MPND: variants seen among roughly 807,000 people sequenced by gnomAD.
MPND encodes the protein MPN domain containing, also known as MPN domain-containing protein.
MPND carries 56 observed loss-of-function variants against 59.2 expected under a neutral mutation model. The ratio of observed to expected loss-of-function variants is 0.95; its 90% CI spans 0.76 to 1.18. The LOEUF is 1.18. MPND is among the 50% of genes most tolerant of loss of function. MPND has a pLI of 0.00. For synonymous variants in MPND, 323 were observed against 291.9 expected (o/e 1.11, Z -1.09); for missense variants, 671 against 676.0 (o/e 0.99, Z 0.08).
Position 4,359,268 on chromosome 19 carries a change from T to C in MPND, c.1419+13T>C. The C allele has an allele frequency of 1.9e-6, 3 of 1,607,744 alleles. No homozygotes were observed. The highest frequency in any genetic ancestry group is 2.6e-6 in the Non-Finnish European group (3 of 1,175,732). On this transcript the variant is annotated intron_variant, in intron 12 of 12. Coordinates refer to ENST00000599840, the MANE Select transcript of MPND (RefSeq NM_001300862.2). ...CGACAAGCTTAAGGTGAGCCCCAAG[T>C]CCCCGCAGACCTCCTAACGGGGCCC...
rs200486806 is a variant in MPND at position 4,357,348 on chromosome 19, C to T, written c.1092C>T (p.Asp364=). Residue 364 remains aspartate (D), a synonymous_variant, in exon 9 of 13, where the codon GAC becomes GAT. Coordinates refer to ENST00000599840, the MANE Select transcript of MPND (RefSeq NM_001300862.2). The part of the protein sequence containing the change: ...SPALPSLQDI[D]AQMDYQLRLQ... ...CGCTGCCATCTCTGCAGGACATCGACGCACAGATGGACTACCAGCTGCGGC... is the reference window on the plus strand; with the variant it reads ...CGCTGCCATCTCTGCAGGACATCGATGCACAGATGGACTACCAGCTGCGGC... The T allele has an allele frequency of 1.4e-4, 233 of 1,613,246 alleles. No individual in the cohort carries two copies. The highest frequency in any genetic ancestry group is 3.6e-4 in the East Asian group (16 of 44,888).
At chr19:4,358,055 T>G in intron 10 of MPND, 28 bp from the exon 11 acceptor site, 1 of 1,541,970 alleles carries the variant, frequency 6.5e-7, no homozygotes, top group African/African-American at 1.4e-5. Flanking sequence ...CTGGTGAGGC[T>G]TCTCTCACTG....
intron 3 of MPND, among the ~76,000 whole-genome samples, chr19:4,349,451 C>A (rs371154609): frequency 6.6e-6 from 1 of 151,620 alleles, no homozygotes; most frequent in Non-Finnish European, 1.5e-5. Context: ...AGGGATGGAG[C>A]GTCAGGAAGT....
At chr19:4,354,865 A>G (rs1972398787) in intron 6 of MPND, 84 bp from the exon 7 acceptor site, 7 of 1,388,630 alleles carry the variant, frequency 5.0e-6, no homozygotes, top group Non-Finnish European at 4.9e-6. Flanking sequence ...CTGAGTCTCA[A>G]AGAGAATGAG....
At chr19:4,359,281 C>CGA (rs2144844289) in intron 12 of MPND, 26 bp downstream of exon 12, 1 of 1,586,162 alleles carries the variant, frequency 6.3e-7, no homozygotes, top group Non-Finnish European at 8.6e-7. Context: ...CCGCAGACCT[C>CGA]CTAACGGGGC....
In MPND at chr19:4,357,543, C is replaced by G; in HGVS notation, c.1194C>G (p.Pro398=). 6.2e-7 allele frequency: 1 copy of G among 1,613,734 alleles called. No individual in the cohort carries two copies. The highest frequency in any genetic ancestry group is 8.5e-7 in the Non-Finnish European group (1 of 1,179,852). Residue 398 remains proline (P), a synonymous_variant, in exon 10 of 13, where the codon CCC becomes CCG. Transcript: ENST00000599840. ...CSPYYSGNPG[P]ESKISPFWVM... ...CTTACTATTCTGGCAACCCAGGCCC[C>G]GAGTCCAAGATCTCACCTTTCTGGG...
At chr19:4,351,645 A>G (rs941982755) in intron 3 of MPND, among the ~76,000 whole-genome samples, 5 of 149,452 alleles carry the variant, frequency 3.3e-5, no homozygotes, top group Admixed American at 6.7e-5. Flanking sequence ...GGCAAATCAC[A>G]AGGTCAGACG....
rs772230608 is a variant in MPND, at chr19:4,357,310, C to CCACACA, written c.1055_1060dup (p.His353_Ser354insThrHis). Reference sequence around the variant, plus strand: ...CCTGGTGGGCTGGTACCACAGCCACCCACACAGCCCGGCGCTGCCATCTCT... The same window carrying CCACACA: ...CCTGGTGGGCTGGTACCACAGCCACCCACACACACACAGCCCGGCGCTGCCATCTCT... On this transcript the variant is annotated inframe_insertion, in exon 9 of 13. Coordinates refer to ENST00000599840, the MANE Select transcript of MPND (RefSeq NM_001300862.2). 6.2e-7 allele frequency: 1 copy of CCACACA among 1,613,112 alleles called. No homozygotes were observed. Among genetic ancestry groups the CCACACA allele is most frequent in the East Asian group, 2.2e-5 (1 of 44,880 alleles).
At chr19:4,354,237 A>C in intron 5 of MPND, 87 bp from the exon 6 acceptor site, 18 of 1,479,972 alleles carry the variant, frequency 1.2e-5, no homozygotes, top group Non-Finnish European at 1.7e-5. Context: ...TCAGATCCTC[A>C]GAGCTGTGGG....
At chr19:4,357,025 T>G (rs1972452287) in intron 8 of MPND, 4 of 421,438 alleles carry the variant, frequency 9.5e-6, no homozygotes, top group Admixed American at 4.2e-5. Flanking sequence ...ATGACTTTGG[T>G]GTCCTGGCTT....
intron 8 of MPND, among the ~76,000 whole-genome samples, chr19:4,356,230 C>T (rs1972435622): frequency 6.6e-6 from 1 of 152,034 alleles, no homozygotes; most frequent in African/African-American, 2.4e-5. Context: ...CCTTGGTTTC[C>T]TTGTCTGTAA....
intron 3 of MPND, 34 bp downstream of exon 3, chr19:4,346,015 A>G: frequency 6.3e-7 from 1 of 1,576,398 alleles, no homozygotes; most frequent in South Asian, 1.1e-5. Flanking sequence ...GAAGCCGCCC[A>G]GGTCACTGTG....
intron 2 of MPND, among the ~76,000 whole-genome samples, chr19:4,345,088 C>T (rs1426597797): frequency 7.8e-6 from 1 of 127,604 alleles, no homozygotes; most frequent in Non-Finnish European, 1.6e-5. Flanking sequence ...CGCGCTGTTG[C>T]CCAGGCTGGA....
Position 4,343,936 on chromosome 19 carries a change from T to G in MPND, c.236T>G (p.Val79Gly). 1.5e-6 allele frequency: 2 copies of G among 1,369,100 alleles called. No homozygotes were observed. The highest frequency in any genetic ancestry group is 1.9e-6 in the Non-Finnish European group (2 of 1,058,818). The allele number at this position is 1,369,100 out of a possible 1,614,324, so 84.8% of individuals were successfully genotyped here. A position where few individuals can be genotyped will look rare whatever the true frequency, so the allele number is the denominator to read the frequency against. Residue 79 changes from valine to glycine, a missense_variant, in exon 2 of 13, where the codon GTG (valine) becomes GGG (glycine). Val to Gly is a moderately radical substitution (Grantham distance 109). Coordinates refer to ENST00000599840, the MANE Select transcript of MPND (RefSeq NM_001300862.2). ...ALTRRAVTLR[V>G]LLKDALLEPG... ...ACCAGGCGCGCGGTCACACTGCGGG[T>G]GCTCCTCAAAGACGCGCTGCTGGAG...
Position 4,343,982 on chromosome 19 carries a change from C to T in MPND, c.282C>T (p.Ser94=), listed in dbSNP as rs774061681. ...ALLEPGAGVL[S]IYYLGKKFLG... is the part of the protein sequence containing the mutation. ...TGGAGCCTGGCGCCGGGGTGCTGTCCATCTACTACCTGGTGAGCACCCCGC... is the reference window on the plus strand; with the variant it reads ...TGGAGCCTGGCGCCGGGGTGCTGTCTATCTACTACCTGGTGAGCACCCCGC... The change falls in exon 2 of 13, where the codon TCC becomes TCT. Residue 94 remains serine (S), a synonymous_variant. Coordinates refer to ENST00000599840, the MANE Select transcript of MPND (RefSeq NM_001300862.2). The T allele has an allele frequency of 3.1e-5, 42 of 1,368,156 alleles. No individual in the cohort carries two copies. The Middle Eastern group carries it at 1.0e-3, about 34-fold the overall frequency. 84.8% of individuals were successfully genotyped at this position (1,368,156 alleles called of 1,614,324 possible).
At chr19:4,354,852 A>C in intron 6 of MPND, 97 bp from the exon 7 acceptor site, 4 of 1,287,170 alleles carry the variant, frequency 3.1e-6, no homozygotes, top group Non-Finnish European at 4.3e-6. Context: ...CGACAGAGCA[A>C]GACTGAGTCT....
chr19:4,358,966 G>GC, intron 11 of MPND, among the ~76,000 whole-genome samples, 197 bp from the exon 12 acceptor site: 1 of 152,178 alleles, frequency 6.6e-6, no homozygotes, highest in East Asian at 1.9e-4. Context: ...CAACGCTGCT[G>GC]CCTCCCCCTC....
At chr19:4,344,936 G>A (rs1972151542) in intron 2 of MPND, among the ~76,000 whole-genome samples, 1 of 148,420 alleles carries the variant, frequency 6.7e-6, no homozygotes, top group South Asian at 2.1e-4. Context: ...TAGAGACGGG[G>A]TTTCACTATA....
chr19:4,357,950 G>A (rs1304441951), intron 10 of MPND, 133 bp from the exon 11 acceptor site: 4 of 705,420 alleles, frequency 5.7e-6, no homozygotes, highest in Admixed American at 2.3e-5. Flanking sequence ...CCCACCACCA[G>A]GTGCCGATCC....
Sources: gnomAD v4.1 joint callset for allele counts (sites outside exome capture counted in the v4.1 genomes callset) on GRCh38, gnomAD v4.1.1 for gene constraint, MANE v1.5 for transcripts, NCBI Gene and HGNC (gene_info 2026-07-23, HGNC 2026-07-21) for gene names.